Variants in NUP153 observed in about 807,000 individuals in gnomAD.
The protein encoded by NUP153 is nuclear pore complex protein Nup153.
NUP153 carries 27 observed loss-of-function variants against 134.6 expected under a neutral mutation model. The ratio of observed to expected loss-of-function variants is 0.20; its 90% confidence interval spans 0.15 to 0.28. The LOEUF is 0.28. Among genes scored for constraint, NUP153 ranks in the 10% least tolerant of loss-of-function variants. The pLI is 1.00. For synonymous variants in NUP153, 640 were observed against 623.5 expected (o/e 1.03, Z -0.40); for missense variants, 1,821 against 1,731.3 (o/e 1.05, Z -0.92).
chr6:17,616,874 C>G (rs1460357753), intron 20 of NUP153, among the ~76,000 whole-genome samples, 179 bp from the exon 21 acceptor site: 1 of 152,150 alleles, frequency 6.6e-6, no homozygotes, highest in Non-Finnish European at 1.5e-5. Context: ...CTCAGCCTCC[C>G]CAGTAGCTGG....
rs746501123 is a variant in NUP153, at chr6:17,625,787, T to A, written c.3901+21A>T. 3 of 1,562,294 alleles carry A rather than the reference T, an allele frequency of 1.9e-6. No homozygotes were observed. In the East Asian group the frequency reaches 6.8e-5, roughly 35 times the overall value. On this transcript the variant is annotated intron_variant, in intron 19 of 21. Coordinates refer to ENST00000262077, the MANE Select transcript of NUP153 (RefSeq NM_005124.4). The surrounding 1 kb of genome is among the most constrained non-coding windows in gnomAD (Gnocchi z 4.7). Reference sequence around the variant, plus strand: ...GTAAAGTCCATCCAATTACAATGCATTTTTTCTTTTGTAAATGTACCTGCA... The same window carrying A: ...GTAAAGTCCATCCAATTACAATGCAATTTTTCTTTTGTAAATGTACCTGCA...
At position 17,632,860 on chromosome 6, in the gene NUP153, A is replaced by AAAC; in HGVS notation, c.2465-17_2465-16insGTT. Reference sequence around the variant, plus strand: ...ACTGAACTTCCTAAAAAAAAAAAAAAAAACGGGGAGTGGGGGGAGATTTCA... The same window carrying AAAC: ...ACTGAACTTCCTAAAAAAAAAAAAAAAACAAACGGGGAGTGGGGGGAGATTTCA... On this transcript the variant is annotated splice_polypyrimidine_tract_variant and intron_variant, in intron 16 of 21. Transcript: ENST00000262077. The AAAC allele has an allele frequency of 6.5e-7, 1 of 1,539,790 alleles. No individual in the cohort carries two copies. Among genetic ancestry groups the AAAC allele is most frequent in the Non-Finnish European group, 8.7e-7 (1 of 1,151,934 alleles).
rs777503498 is a variant in NUP153, at chr6:17,647,790, C to T, written c.1632+17G>A. The T allele has an allele frequency of 7.0e-7, 1 of 1,419,974 alleles. No individual in the cohort carries two copies. Among genetic ancestry groups the T allele is most frequent in the Admixed American group, 1.7e-5 (1 of 59,062 alleles). The allele number at this position is 1,419,974 out of a possible 1,614,324, so 88.0% of individuals were successfully genotyped here. A position where few individuals can be genotyped will look rare whatever the true frequency, so the allele number is the denominator to read the frequency against. On this transcript the variant is annotated intron_variant, in intron 13 of 21. Coordinates refer to ENST00000262077, the MANE Select transcript of NUP153 (RefSeq NM_005124.4). The stretch of plus-strand genomic sequence containing the variant: ...TTGAAATCAGTAAATATATACTATT[C>T]CTTGCTTGTTACTTACAGATGATGG...
intron 1 of NUP153, among the ~76,000 whole-genome samples, chr6:17,693,606 GC>G (rs1406661825): frequency 6.6e-6 from 1 of 152,148 alleles, no homozygotes; most frequent in Non-Finnish European, 1.5e-5. Context: ...TTCCTTTGAG[GC>G]CGGGAACAGT....
At chr6:17,671,192 G>A (rs755553642) in intron 5 of NUP153, among the ~76,000 whole-genome samples, 1 of 151,978 alleles carries the variant, frequency 6.6e-6, no homozygotes, top group Admixed American at 6.6e-5. Flanking sequence ...TTTTAAATTT[G>A]TTGGATTCCA....
chr6:17,659,980 C>G (rs759828548), intron 11 of NUP153, among the ~76,000 whole-genome samples: 4 of 152,140 alleles, frequency 2.6e-5, no homozygotes, highest in Non-Finnish European at 4.4e-5. Context: ...AAGACAGAGC[C>G]TCCAGACCAG....
intron 20 of NUP153, among the ~76,000 whole-genome samples, chr6:17,622,832 T>C (rs1252481545): frequency 2.0e-5 from 3 of 152,086 alleles, no homozygotes; most frequent in Admixed American, 6.6e-5. Flanking sequence ...ACAGTGTCTC[T>C]ATATTAAGCA....
intron 8 of NUP153, 137 bp downstream of exon 8, chr6:17,668,838 G>C (rs1039054906): frequency 6.8e-6 from 4 of 588,752 alleles, no homozygotes; most frequent in African/African-American, 6.1e-5. Context: ...GCGAGACTGA[G>C]ACTCAAAAAA....
chr6:17,678,008 G>A (rs1457232103), intron 2 of NUP153, among the ~76,000 whole-genome samples: 4 of 151,940 alleles, frequency 2.6e-5, no homozygotes. Flanking sequence ...GGTGGTGATG[G>A]ACTTCTACCT....
intron 11 of NUP153, among the ~76,000 whole-genome samples, chr6:17,657,473 A>G (rs1766899582): frequency 6.6e-6 from 1 of 151,980 alleles, no homozygotes; most frequent in Non-Finnish European, 1.5e-5. Context: ...CTGAGACATG[A>G]GAATCACTTG....
At chr6:17,640,385 C>A (rs556460502) in intron 14 of NUP153, among the ~76,000 whole-genome samples, 5 of 152,282 alleles carry the variant, frequency 3.3e-5, no homozygotes, top group Admixed American at 3.3e-4. Context: ...CTAGGGCAAG[C>A]CCATCCACTG....
At chr6:17,694,613 C>T (rs532714852) in intron 1 of NUP153, among the ~76,000 whole-genome samples, 8 of 151,940 alleles carry the variant, frequency 5.3e-5, no homozygotes, top group African/African-American at 1.4e-4. Flanking sequence ...GCCAAGATCG[C>T]GCCATTGCAC....
chr6:17,683,085 C>T (rs965680264), intron 2 of NUP153, among the ~76,000 whole-genome samples: 1 of 151,952 alleles, frequency 6.6e-6, no homozygotes, highest in African/African-American at 2.4e-5. Context: ...TAGTTCCTTC[C>T]TCCACTGAAG....
At chr6:17,676,209 G>A (rs920903756) in intron 2 of NUP153, among the ~76,000 whole-genome samples, 1 of 152,098 alleles carries the variant, frequency 6.6e-6, no homozygotes, top group African/African-American at 2.4e-5. Context: ...AATTAGTTAT[G>A]ATGCAGGAGT....
At chr6:17,622,069 C>G (rs1764671885) in intron 20 of NUP153, among the ~76,000 whole-genome samples, 1 of 152,026 alleles carries the variant, frequency 6.6e-6, no homozygotes, top group South Asian at 2.1e-4. Context: ...GTGGGAATGA[C>G]CTTCACTAGA....
rs1768514236 is a variant in NUP153, at chr6:17,680,560, A to G, written c.335-4790T>C. On this transcript the variant is annotated intron_variant, in intron 2 of 21. Coordinates refer to ENST00000262077, the MANE Select transcript of NUP153 (RefSeq NM_005124.4). This position sits in a 1 kb window ranked among gnomAD's most constrained non-coding sequence, Gnocchi z 4.5. ...ATGATTTATCAGATACAACACTAAA[A>G]GCACAGGCCATGGAAGCAAAAACAG... Among the ~76,000 whole-genome samples the G allele has an allele frequency of 6.6e-6, 1 of 152,228 alleles. No homozygotes were observed. Among genetic ancestry groups the G allele is most frequent in the Non-Finnish European group, 1.5e-5 (1 of 68,040 alleles).
intron 20 of NUP153, among the ~76,000 whole-genome samples, chr6:17,623,348 A>C (rs1764748651): frequency 7.8e-6 from 1 of 127,616 alleles, no homozygotes; most frequent in Non-Finnish European, 1.7e-5. Flanking sequence ...AGCCAAACTG[A>C]AAAATGGCCA....
rs1020927597 is a variant in NUP153, at chr6:17,641,198, T to C, written c.1721-1134A>G. Reference sequence around the variant, plus strand: ...AAGAGTGACCTGACATGTAAGTTTCTGTGTGGGATGGGGAGAGGAGGGATG... The same window carrying C: ...AAGAGTGACCTGACATGTAAGTTTCCGTGTGGGATGGGGAGAGGAGGGATG... On this transcript the variant is annotated intron_variant, in intron 14 of 21. Coordinates refer to ENST00000262077, the MANE Select transcript of NUP153 (RefSeq NM_005124.4). 2.0e-5 allele frequency among the ~76,000 whole-genome samples: 3 copies of C among 152,264 alleles called. No homozygotes were observed. The East Asian group carries it at 5.8e-4, about 29-fold the overall frequency.
intron 11 of NUP153, among the ~76,000 whole-genome samples, chr6:17,655,428 C>T (rs1766755878): frequency 6.6e-6 from 1 of 151,096 alleles, no homozygotes; most frequent in African/African-American, 2.4e-5. Context: ...AAATGCCGCC[C>T]CCACAAAAAT....
Sources: allele counts gnomAD v4.1 joint callset (sites outside exome capture counted in the v4.1 genomes callset), GRCh38; gene constraint gnomAD v4.1.1; non-coding constraint Gnocchi (gnomAD v3.1); transcripts MANE v1.5; gene names NCBI Gene and HGNC (gene_info 2026-07-23, HGNC 2026-07-21).